The following KIAA0319L variants were observed in gnomAD, a reference collection of about 807,000 sequenced individuals.
KIAA0319L encodes the protein KIAA0319 like, also known as dyslexia-associated protein KIAA0319-like protein.
In KIAA0319L, 55 loss-of-function variants were observed where a neutral mutation model predicts 120.1. The observed-to-expected ratio is 0.46, with a 90% CI of 0.37 to 0.57. The LOEUF (loss-of-function observed/expected upper bound fraction) is 0.57, where lower values mean the gene tolerates loss of function less well. Ranked by LOEUF, KIAA0319L falls within the 20% of genes least tolerant of loss-of-function variation. The pLI, the probability that KIAA0319L is intolerant of heterozygous loss-of-function variation, is 0.00. For synonymous variants in KIAA0319L, 398 were observed against 471.9 expected, an observed-to-expected ratio of 0.84 and a Z score of 2.03; for missense variants, 1,049 against 1,255.3, an observed-to-expected ratio of 0.84 and a Z score of 2.48.
rs771640326 is a variant in KIAA0319L, at chr1:35,507,147, G to A, written c.143-12C>T. The stretch of plus-strand genomic sequence containing the variant: ...GCTCTCACTGGCATCTAAAAACAAA[G>A]AATGAAAACATTTTCAGATGAAATA... On this transcript the variant is annotated splice_polypyrimidine_tract_variant and intron_variant, in intron 2 of 20. Coordinates refer to ENST00000325722, the MANE Select transcript of KIAA0319L (RefSeq NM_024874.5). 9.3e-6 allele frequency: 14 copies of A among 1,513,282 alleles called. No individual in the cohort carries two copies. The highest frequency in any genetic ancestry group is 1.4e-5 in the African/African-American group (1 of 71,612). The allele number at this position is 1,513,282 out of a possible 1,614,324, so 93.7% of individuals were successfully genotyped here. A position where few individuals can be genotyped will look rare whatever the true frequency, so the allele number is the denominator to read the frequency against.
At chr1:35,556,512 C>T (rs569866578) in intron 1 of KIAA0319L, 1 of 152,308 alleles carries the variant, frequency 6.6e-6, no homozygotes, top group South Asian at 2.1e-4. Context: ...TTCCAAATAG[C>T]TGGAAAAATG....
At chr1:35,505,548 A>G (rs540424269) in intron 3 of KIAA0319L, among the ~76,000 whole-genome samples, 5 of 152,330 alleles carry the variant, frequency 3.3e-5, no homozygotes, top group African/African-American at 1.2e-4. Context: ...ATCAGTCTCC[A>G]CTAGATTATA....
At chr1:35,544,244 C>A (rs1337222981) in intron 2 of KIAA0319L, among the ~76,000 whole-genome samples, 1 of 151,886 alleles carries the variant, frequency 6.6e-6, no homozygotes, top group Non-Finnish European at 1.5e-5. Context: ...CAGCATGCAC[C>A]TATAGTCCCA....
chr1:35,489,558 T>C (rs895685578), intron 3 of KIAA0319L, among the ~76,000 whole-genome samples: 2 of 152,026 alleles, frequency 1.3e-5, no homozygotes, highest in African/African-American at 4.8e-5. Flanking sequence ...CTCTGAAAAT[T>C]TGAAGGAGAC....
chr1:35,507,332 C>A (rs1645243785), intron 2 of KIAA0319L, among the ~76,000 whole-genome samples, 197 bp from the exon 3 acceptor site: 1 of 152,174 alleles, frequency 6.6e-6, no homozygotes, highest in Non-Finnish European at 1.5e-5. Flanking sequence ...TCTAGAAATA[C>A]TGCTCCACAT....
In KIAA0319L at chr1:35,451,123, C is replaced by A. The variant is rs768590469; in HGVS notation, c.2062+505G>T. On this transcript the variant is annotated intron_variant, in intron 13 of 20. Coordinates refer to ENST00000325722, the MANE Select transcript of KIAA0319L (RefSeq NM_024874.5). ...AGGCCCTCAACTTAAGGCCCTCTCC[C>A]ACAGCTCTCACTGGTCACTGTGCCT... Among the ~76,000 whole-genome samples the A allele has an allele frequency of 3.3e-4, 50 of 152,256 alleles. 1 individual carries two copies. The highest frequency in any genetic ancestry group is 3.4e-3 in the Middle Eastern group (1 of 294).
Position 35,506,756 on chromosome 1 carries a change from T to C in KIAA0319L, c.522A>G (p.Val174=). 2 of 1,614,238 alleles carry C rather than the reference T, an allele frequency of 1.2e-6. No individual in the cohort carries two copies. The highest frequency in any genetic ancestry group is 1.7e-6 in the Non-Finnish European group (2 of 1,180,030). Residue 174 remains valine, a synonymous_variant, in exon 3 of 21, where the codon GTA becomes GTG. Coordinates refer to ENST00000325722, the MANE Select transcript of KIAA0319L (RefSeq NM_024874.5). The surrounding 1 kb of genome is among the most constrained non-coding windows in gnomAD (Gnocchi z 4.0). ...TTAAGCTCTGCTGGTCACTGGAAGA[T>C]ACAGCAGGTCTGAGTGCAGCTCTGG... The part of the protein sequence containing the change: ...SPPRAALRPA[V]SSSDQQSLIR...
At chr1:35,466,837 G>T in intron 6 of KIAA0319L, 142 bp from the exon 7 acceptor site, 1 of 635,916 alleles carries the variant, frequency 1.6e-6, no homozygotes, top group Non-Finnish European at 2.7e-6. Context: ...AAAGTAGCCT[G>T]TAATCCTAGC....
intron 6 of KIAA0319L, among the ~76,000 whole-genome samples, chr1:35,467,220 C>T (rs1643327529): frequency 6.6e-6 from 1 of 151,970 alleles, no homozygotes; most frequent in Non-Finnish European, 1.5e-5. Flanking sequence ...ATTAAGGGCC[C>T]GAATATCCCA....
At chr1:35,484,447 C>A (rs1358984095) in intron 3 of KIAA0319L, among the ~76,000 whole-genome samples, 2 of 152,098 alleles carry the variant, frequency 1.3e-5, no homozygotes, top group Non-Finnish European at 2.9e-5. Flanking sequence ...CCCAATTATT[C>A]ATTGCTAATA....
At chr1:35,490,741 C>T (rs773613972) in intron 3 of KIAA0319L, among the ~76,000 whole-genome samples, 1 of 152,102 alleles carries the variant, frequency 6.6e-6, no homozygotes, top group Non-Finnish European at 1.5e-5. Context: ...GGCTCTGTGT[C>T]CCCACCCAAA....
rs1641450316 is a variant in KIAA0319L, at chr1:35,444,270, A to G, written c.2547T>C (p.Pro849=). 1 of 1,608,544 alleles carries G rather than the reference A, an allele frequency of 6.2e-7. No individual in the cohort carries two copies. Among genetic ancestry groups the G allele is most frequent in the Middle Eastern group, 1.7e-4 (1 of 6,060 alleles). The change falls in exon 17 of 21, where the codon CCT becomes CCC. Residue 849 remains proline (P), a synonymous_variant. Coordinates refer to ENST00000325722, the MANE Select transcript of KIAA0319L (RefSeq NM_024874.5). ...CATGGCCTTTGAAGATCTGGTGGGGAGGCTCGTTTTGAACAAAAAATACCA... is the reference window on the plus strand; with the variant it reads ...CATGGCCTTTGAAGATCTGGTGGGGGGGCTCGTTTTGAACAAAAAATACCA... The part of the protein sequence containing the change: ...TKMVFFVQNE[P]PHQIFKGHEV...
intron 2 of KIAA0319L, among the ~76,000 whole-genome samples, chr1:35,544,368 CA>C (rs748228266): frequency 0.018 from 973 of 53,210 alleles, 2 homozygotes; most frequent in Non-Finnish European, 0.026. Context: ...GACTCAATCT[CA>C]AAAAAAAAAA....
At chr1:35,441,407 G>A (rs960250150) in intron 19 of KIAA0319L, among the ~76,000 whole-genome samples, 12 of 152,130 alleles carry the variant, frequency 7.9e-5, no homozygotes, top group Admixed American at 5.2e-4. Flanking sequence ...GGTTAAAAAC[G>A]TAAAGAAAAC....
At chr1:35,526,384 C>G (rs199796110) in intron 2 of KIAA0319L, among the ~76,000 whole-genome samples, 1 of 110,836 alleles carries the variant, frequency 9.0e-6, no homozygotes, top group African/African-American at 4.5e-5. Context: ...TATATATATA[C>G]ATACATATAT....
Position 35,455,343 on chromosome 1 carries a change from C to G in KIAA0319L, c.1656+670G>C, listed in dbSNP as rs1353909909. Among the ~76,000 whole-genome samples the G allele has an allele frequency of 2.0e-5, 3 of 152,148 alleles. No individual in the cohort carries two copies. The East Asian group carries it at 5.8e-4, about 29-fold the overall frequency. On this transcript the variant is annotated intron_variant, in intron 10 of 20. Coordinates refer to ENST00000325722, the MANE Select transcript of KIAA0319L (RefSeq NM_024874.5). ...TAGTCAGGGCTTAAGTTCAGCACAG[C>G]CACCATCCAGTTTTCTTTCTTTATG...
chr1:35,523,523 C>T (rs374411813), intron 2 of KIAA0319L, among the ~76,000 whole-genome samples: 36 of 152,152 alleles, frequency 2.4e-4, no homozygotes, highest in African/African-American at 8.0e-4. Context: ...TGAAGACATC[C>T]AGGTTGATGA....
At chr1:35,459,161 G>A (rs941658401) in intron 9 of KIAA0319L, among the ~76,000 whole-genome samples, 1 of 152,162 alleles carries the variant, frequency 6.6e-6, no homozygotes, top group Non-Finnish European at 1.5e-5. Flanking sequence ...CCTGTCTGGA[G>A]GGATCTCAGA....
At position 35,503,810 on chromosome 1, in the gene KIAA0319L, G is replaced by T. The variant is rs189861029; in HGVS notation, c.666+2802C>A. Among the ~76,000 whole-genome samples the T allele has an allele frequency of 3.4e-3, 509 of 151,848 alleles. 2 individuals are homozygous for T. The highest frequency in any genetic ancestry group is 4.7e-3 in the Non-Finnish European group (317 of 67,972). On this transcript the variant is annotated intron_variant, in intron 3 of 20. Coordinates refer to ENST00000325722, the MANE Select transcript of KIAA0319L (RefSeq NM_024874.5). ...ACTCCTCTTCCTCAGCCTACTCAAC[G>T]TGAAGACAATAAGGATGCCTATAAG...
Sources: gnomAD v4.1 joint callset for allele counts (sites outside exome capture counted in the v4.1 genomes callset) on GRCh38, gnomAD v4.1.1 for gene constraint, Gnocchi (gnomAD v3.1) non-coding constraint, MANE v1.5 for transcripts, NCBI Gene and HGNC (gene_info 2026-07-23, HGNC 2026-07-21) for gene names.